ACTR8: variants seen among roughly 807,000 people sequenced by gnomAD.
ACTR8 encodes actin-related protein 8.
A neutral mutation model predicts 84.3 loss-of-function variants in ACTR8; 70 were observed. The observed-to-expected ratio is 0.83, with a 90% CI of 0.68 to 1.01. The LOEUF is 1.01. ACTR8 is among the 50% of genes least tolerant of loss of function. ACTR8 has a pLI of 0.00. For synonymous variants in ACTR8, 268 were observed against 275.2 expected (o/e 0.97, Z 0.26); for missense variants, 672 against 775.4 (o/e 0.87, Z 1.58).
In ACTR8 at chr3:53,874,344, C is replaced by T; in HGVS notation, c.932G>A (p.Gly311Glu). The change falls in exon 8 of 13, where the codon GGA becomes GAA. Residue 311 changes from glycine to glutamate, a missense_variant. Coordinates refer to ENST00000335754, the MANE Select transcript of ACTR8 (RefSeq NM_022899.5). ...RNTRLCLAYG[G>E]SDVSRCFYWL... ...GTAAAAACATCTTGACACATCAGATCCTCCGTATGCCAGACAAAGCCTAAA... is the reference window on the plus strand; with the variant it reads ...GTAAAAACATCTTGACACATCAGATTCTCCGTATGCCAGACAAAGCCTAAA... The T allele has an allele frequency of 2.5e-6, 4 of 1,613,484 alleles. No homozygotes were observed. Among genetic ancestry groups the T allele is most frequent in the Non-Finnish European group, 3.4e-6 (4 of 1,179,822 alleles).
At chr3:53,863,420 A>G (rs1699642273), downstream of ACTR8, among the ~76,000 whole-genome samples, 1 of 152,200 alleles carries the variant, frequency 6.6e-6, no homozygotes, top group Non-Finnish European at 1.5e-5. Context: ...TCTTCTCCAT[A>G]TGTAGGAAAG....
chr3:53,882,121 C>T lies in ACTR8; in HGVS notation c.-20G>A. On this transcript the variant is annotated 5_prime_UTR_variant, in exon 1 of 13. Coordinates refer to ENST00000335754, the MANE Select transcript of ACTR8 (RefSeq NM_022899.5). The stretch of plus-strand genomic sequence containing the variant: ...GGTCATTATGGCCGGAGACACCCAC[C>T]AACCTCTCGCCTCAGCGCTGCAGCC... The T allele has an allele frequency of 1.3e-6, 2 of 1,551,084 alleles. No individual in the cohort carries two copies. Among genetic ancestry groups the T allele is most frequent in the South Asian group, 1.2e-5 (1 of 84,036 alleles).
At position 53,868,747 on chromosome 3, in the gene ACTR8, A is replaced by G. The variant is rs1361312164; in HGVS notation, c.1847T>C (p.Leu616Ser). 6.2e-7 allele frequency: 1 copy of G among 1,614,234 alleles called. No individual in the cohort carries two copies. The highest frequency in any genetic ancestry group is 8.5e-7 in the Non-Finnish European group (1 of 1,180,040). ...REWQRFGVRM[L>S]RERAAFVW ...CCACACAAACGCAGCCCGCTCTCGT[A>G]ACATGCGGACACCAAAGCGCTGCCA... Residue 616 changes from leucine to serine, a missense_variant, in exon 13 of 13, where the codon TTA (leucine) becomes TCA (serine). Transcript: ENST00000335754.
At chr3:53,865,658 G>C (rs1699759998), downstream of ACTR8, 1 of 175,418 alleles carries the variant, frequency 5.7e-6, no homozygotes, top group African/African-American at 2.4e-5. Context: ...AATATTCTAT[G>C]TTTAATTAAT....
downstream of ACTR8, chr3:53,864,925 A>G: frequency 1.2e-6 from 2 of 1,614,216 alleles, no homozygotes; most frequent in African/African-American, 1.3e-5. Context: ...AATAGCAGAG[A>G]TGGGTCCAGT....
chr3:53,865,030 A>G (rs143904356), downstream of ACTR8: 1,553 of 1,614,200 alleles, frequency 9.6e-4, 4 homozygotes, highest in Middle Eastern at 3.8e-3. Context: ...CTGTGGCAAG[A>G]GCGAGGGCAG....
intron 11 of ACTR8, 70 bp downstream of exon 11, chr3:53,871,162 A>G: frequency 6.4e-7 from 1 of 1,569,412 alleles, no homozygotes. Context: ...AGTATATCCT[A>G]GACTGAACCA....
At chr3:53,865,143 TAG>T (rs1699737930), downstream of ACTR8, 15 of 1,614,198 alleles carry the variant, frequency 9.3e-6, no homozygotes, top group Non-Finnish European at 1.3e-5. Context: ...TGGTCTACTT[TAG>T]AGAGATTGAT....
downstream of ACTR8, among the ~76,000 whole-genome samples, chr3:53,866,900 T>C (rs558864483): frequency 3.9e-5 from 6 of 152,354 alleles, no homozygotes; most frequent in African/African-American, 1.2e-4. Context: ...TGTGGATCGA[T>C]TTCAGATGGA....
intron 7 of ACTR8, among the ~76,000 whole-genome samples, chr3:53,875,558 C>G (rs926189055): frequency 1.6e-4 from 25 of 152,318 alleles, no homozygotes; most frequent in African/African-American, 5.5e-4. Context: ...CCAGAGAATT[C>G]AGATTGAAAA....
chr3:53,869,048 G>A (rs917341612), intron 12 of ACTR8, among the ~76,000 whole-genome samples, 186 bp from the exon 13 acceptor site: 5 of 152,348 alleles, frequency 3.3e-5, no homozygotes, highest in East Asian at 1.9e-4. Flanking sequence ...TTGGGAGGCC[G>A]AGGCGGGCAG....
intron 7 of ACTR8, 27 bp downstream of exon 7, chr3:53,875,919 CAG>C (rs774662279): frequency 5.7e-5 from 92 of 1,613,380 alleles, no homozygotes; most frequent in Non-Finnish European, 7.3e-5. Flanking sequence ...GAAGAGGAAA[CAG>C]GGAATGCCAC....
chr3:53,869,966 C>T lies in ACTR8; in HGVS notation c.1731+16G>A. The T allele has an allele frequency of 6.2e-7, 1 of 1,613,228 alleles. No individual in the cohort carries two copies. The highest frequency in any genetic ancestry group is 8.5e-7 in the Non-Finnish European group (1 of 1,179,382). ...TCATTTGCATACAGTCCAACTTGCA[C>T]AATGAAACAACCTACCTTAGGCCTT... On this transcript the variant is annotated intron_variant, in intron 12 of 12. Coordinates refer to ENST00000335754, the MANE Select transcript of ACTR8 (RefSeq NM_022899.5).
chr3:53,876,087 G>GA lies in ACTR8; in HGVS notation c.779-8_779-7insT, dbSNP rs1049755312. ...TCCTGATGGACCACAATCCCTGGGG[G>GA]GGGAAAAGAAAAGGCAGAGTAGTCA... On this transcript the variant is annotated splice_region_variant and splice_polypyrimidine_tract_variant and intron_variant, in intron 6 of 12. Coordinates refer to ENST00000335754, the MANE Select transcript of ACTR8 (RefSeq NM_022899.5). 5.7e-6 allele frequency: 9 copies of GA among 1,582,592 alleles called. No individual in the cohort carries two copies. Among genetic ancestry groups the GA allele is most frequent in the Middle Eastern group, 3.3e-4 (2 of 6,022 alleles).
chr3:53,862,314 G>C (rs774058293), downstream of ACTR8, among the ~76,000 whole-genome samples: 1 of 152,136 alleles, frequency 6.6e-6, no homozygotes, highest in African/African-American at 2.4e-5. Context: ...TTTATGGAAA[G>C]GATTGTCAAC....
In ACTR8 at chr3:53,877,713, T is replaced by C; in HGVS notation, c.444A>G (p.Leu148=). ...SYNKQMRPAI[L]DHCSGNKWTN... Reference sequence around the variant, plus strand: ...TCCACTTATTTCCCGAACAGTGATCTAAAATTGCAGGTCGCATCTGCTTAT... The same window carrying C: ...TCCACTTATTTCCCGAACAGTGATCCAAAATTGCAGGTCGCATCTGCTTAT... The change falls in exon 4 of 13, where the codon TTA becomes TTG. Residue 148 remains leucine, a synonymous_variant. Transcript: ENST00000335754. 9 of 1,614,116 alleles carry C rather than the reference T, an allele frequency of 5.6e-6. No homozygotes were observed. Among genetic ancestry groups the C allele is most frequent in the Non-Finnish European group, 7.6e-6 (9 of 1,179,992 alleles).
At chr3:53,880,325 A>C (rs1700039767) in intron 1 of ACTR8, among the ~76,000 whole-genome samples, 1 of 152,250 alleles carries the variant, frequency 6.6e-6, no homozygotes, top group Non-Finnish European at 1.5e-5. Context: ...TACATAGCTC[A>C]ACAAATATTT....
downstream of ACTR8, among the ~76,000 whole-genome samples, chr3:53,864,073 T>C (rs1448641717): frequency 6.6e-6 from 1 of 152,136 alleles, no homozygotes; most frequent in Admixed American, 6.5e-5. Context: ...TCTACCAGCC[T>C]TGGCCTCCCA....
chr3:53,880,981 C>T (rs1159277636), intron 1 of ACTR8, among the ~76,000 whole-genome samples: 3 of 152,214 alleles, frequency 2.0e-5, no homozygotes, highest in South Asian at 4.1e-4. Flanking sequence ...CCAAGTGTGA[C>T]CTCTCTCCTC....
Sources: allele counts gnomAD v4.1 joint callset (sites outside exome capture counted in the v4.1 genomes callset), GRCh38; gene constraint gnomAD v4.1.1; transcripts MANE v1.5; gene names NCBI Gene and HGNC (gene_info 2026-07-23, HGNC 2026-07-21).